Variants in CDC20B observed in about 807,000 individuals in gnomAD.
The protein encoded by CDC20B is cell division cycle 20B, also known as cell division cycle protein 20 homolog B.
In CDC20B, 58 loss-of-function variants were observed where a neutral mutation model predicts 64.1. That is an observed-to-expected ratio of 0.90 (90% CI 0.73 to 1.13). CDC20B has a LOEUF of 1.13. CDC20B is among the 50% of genes most tolerant of loss of function. The pLI is 0.00. For synonymous variants in CDC20B, 243 were observed against 230.6 expected, an observed-to-expected ratio of 1.05 and a Z score of -0.49; for missense variants, 597 against 633.0, an observed-to-expected ratio of 0.94 and a Z score of 0.61.
intron 11 of CDC20B, 39 bp downstream of exon 11, chr5:55,119,762 G>T (rs1580336260): frequency 1.6e-6 from 2 of 1,235,496 alleles, no homozygotes; most frequent in East Asian, 2.3e-5. Flanking sequence ...AGCTCACTTT[G>T]CTATAGGTGC....
intron 2 of CDC20B, among the ~76,000 whole-genome samples, chr5:55,149,727 C>T (rs1389344931): frequency 6.6e-6 from 1 of 152,134 alleles, no homozygotes; most frequent in African/African-American, 2.4e-5. Context: ...GGAGCAACTG[C>T]TTAATGGGTA....
intron 3 of CDC20B, among the ~76,000 whole-genome samples, chr5:55,143,994 GAAA>G (rs3068520): frequency 3.0e-4 from 41 of 136,992 alleles, no homozygotes; most frequent in African/African-American, 9.0e-4. Context: ...TCTCTGTATG[GAAA>G]AAAAAAAAAA....
chr5:55,159,188 A>G (rs1314679887), intron 2 of CDC20B, among the ~76,000 whole-genome samples: 2 of 152,138 alleles, frequency 1.3e-5, no homozygotes, highest in South Asian at 4.1e-4. Flanking sequence ...AGCTAATTAA[A>G]ATTCTTTTTT....
At position 55,172,668 on chromosome 5, in the gene CDC20B, A is replaced by G; in HGVS notation, c.64-18T>C. Reference sequence around the variant, plus strand: ...ATACTTTCCTTTGAAAACACAGATAACATATTGAGGGAGAAACTATTTAGG... The same window carrying G: ...ATACTTTCCTTTGAAAACACAGATAGCATATTGAGGGAGAAACTATTTAGG... On this transcript the variant is annotated intron_variant, in intron 1 of 11. Coordinates refer to ENST00000381375, the MANE Select transcript of CDC20B (RefSeq NM_001170402.1). 1 of 1,574,644 alleles carries G rather than the reference A, an allele frequency of 6.4e-7. No homozygotes were observed. The highest frequency in any genetic ancestry group is 8.7e-7 in the Non-Finnish European group (1 of 1,145,040).
intron 2 of CDC20B, among the ~76,000 whole-genome samples, chr5:55,153,959 T>G (rs1743742617): frequency 6.6e-6 from 1 of 152,154 alleles, no homozygotes; most frequent in Non-Finnish European, 1.5e-5. Flanking sequence ...CAGTACGATT[T>G]TAGGTCCCAT....
At chr5:55,125,597 G>T (rs1697945) in intron 8 of CDC20B, among the ~76,000 whole-genome samples, 26,380 of 152,156 alleles carry the variant, frequency 0.17, 2,551 homozygotes, top group South Asian at 0.3. Flanking sequence ...TGATTCCTAA[G>T]CAGTGGATAA....
At chr5:55,139,970 T>G (rs1743286375) in intron 5 of CDC20B, among the ~76,000 whole-genome samples, 1 of 152,114 alleles carries the variant, frequency 6.6e-6, no homozygotes, top group Admixed American at 6.5e-5. Flanking sequence ...AAGGTTGCAG[T>G]GAGCCAAGAT....
intron 2 of CDC20B, chr5:55,166,383 A>T (rs1744388011): frequency 6.6e-6 from 1 of 151,982 alleles, no homozygotes; most frequent in Non-Finnish European, 1.5e-5. Context: ...CAACCTACAG[A>T]CTCTATGTCA....
intron 8 of CDC20B, among the ~76,000 whole-genome samples, chr5:55,125,672 T>A (rs1045218770): frequency 6.6e-6 from 1 of 152,242 alleles, no homozygotes; most frequent in African/African-American, 2.4e-5. Flanking sequence ...TTTTCAAAGA[T>A]AATGAACGCT....
chr5:55,141,188 C>T (rs138761732), intron 4 of CDC20B, among the ~76,000 whole-genome samples: 1,639 of 152,330 alleles, frequency 0.011, 36 homozygotes, highest in African/African-American at 0.033. Flanking sequence ...AGCTTTCTTA[C>T]ACTAGCTCTC....
Position 55,133,416 on chromosome 5 carries a change from G to A in CDC20B, c.693C>T (p.Asp231=). The A allele has an allele frequency of 6.8e-7, 1 of 1,480,728 alleles. No individual in the cohort carries two copies. The highest frequency in any genetic ancestry group is 9.3e-7 in the Non-Finnish European group (1 of 1,072,756). 91.7% of individuals were successfully genotyped at this position (1,480,728 alleles called of 1,614,324 possible). A position where few individuals can be genotyped will look rare whatever the true frequency, so the allele number is the denominator to read the frequency against. The change falls in exon 6 of 12, where the codon GAC becomes GAT. Residue 231 remains aspartate (D), a synonymous_variant. Coordinates refer to ENST00000381375, the MANE Select transcript of CDC20B (RefSeq NM_001170402.1). ...CCAATCTAAATGATAACTTACAGTAGTCATTTCGAAGACCAGTAATATGAA... is the reference window on the plus strand; with the variant it reads ...CCAATCTAAATGATAACTTACAGTAATCATTTCGAAGACCAGTAATATGAA... ...VKIHITGLRN[D]YYLNILDWSF... is the part of the protein sequence containing the mutation.
chr5:55,127,451 T>C, intron 7 of CDC20B, 100 bp from the exon 8 acceptor site: 1 of 928,658 alleles, frequency 1.1e-6, no homozygotes, highest in Non-Finnish European at 1.7e-6. Flanking sequence ...ATTGTTAGTT[T>C]TTGTACTAAG....
In CDC20B at chr5:55,143,514, T is replaced by G. The variant is rs140643849; in HGVS notation, c.485A>C (p.Gln162Pro). 7.5e-5 allele frequency: 120 copies of G among 1,593,192 alleles called. 1 individual carries two copies. The African/African-American group carries it at 1.5e-3, about 20-fold the overall frequency. The stretch of plus-strand genomic sequence containing the variant: ...TTCAGTTTTTTTCTCTTTACCTACC[T>G]GCCCTTTTGAGGCAACACTTTCTTT... ...DWKESVASKG[Q>P]KCLKQLFVTQ... Residue 162 changes from glutamine to proline, a missense_variant and splice_region_variant, in exon 4 of 12, where the codon CAG becomes CCG. Around this residue, in one of 3 missense-constraint regions of CDC20B, gnomAD observed 241 missense variants for 219.2 expected, o/e 1.10. Coordinates refer to ENST00000381375, the MANE Select transcript of CDC20B (RefSeq NM_001170402.1).
intron 2 of CDC20B, among the ~76,000 whole-genome samples, chr5:55,156,901 TAA>T (rs1743825066): frequency 6.6e-6 from 1 of 152,074 alleles, no homozygotes; most frequent in South Asian, 2.1e-4. Context: ...AATAAAAAAA[TAA>T]GTCATTTATT....
intron 6 of CDC20B, among the ~76,000 whole-genome samples, chr5:55,129,383 C>CG (rs1012090643): frequency 6.6e-6 from 1 of 152,106 alleles, no homozygotes; most frequent in Admixed American, 6.5e-5. Flanking sequence ...AGCAAACTGG[C>CG]GGGGGGTAAG....
At chr5:55,120,576 G>A (rs547492617) in intron 9 of CDC20B, 26 bp from the exon 10 acceptor site, 1 of 1,610,690 alleles carries the variant, frequency 6.2e-7, no homozygotes, top group South Asian at 1.1e-5. Flanking sequence ...TAATAGCACA[G>A]ACAGGTCAGC....
intron 2 of CDC20B, among the ~76,000 whole-genome samples, chr5:55,156,176 GT>G (rs550099006): frequency 4.1e-4 from 62 of 152,106 alleles, no homozygotes; most frequent in Non-Finnish European, 7.8e-4. Flanking sequence ...ATCAGATCTC[GT>G]GAGACTTATT....
In CDC20B at chr5:55,160,492, A is replaced by C; in HGVS notation, c.126+12096T>G. 3 of 902,148 alleles carry C rather than the reference A, an allele frequency of 3.3e-6. No homozygotes were observed. In the South Asian group the frequency reaches 5.0e-5, roughly 15 times the overall value. 55.9% of individuals were successfully genotyped at this position (902,148 alleles called of 1,614,324 possible). On this transcript the variant is annotated intron_variant, in intron 2 of 11. Coordinates refer to ENST00000381375, the MANE Select transcript of CDC20B (RefSeq NM_001170402.1). Reference sequence around the variant, plus strand: ...AATTTTTTGCTGTTACATGGTCATAAGTTGGAATTTAGTCTTCAGAGTAAT... The same window carrying C: ...AATTTTTTGCTGTTACATGGTCATACGTTGGAATTTAGTCTTCAGAGTAAT...
At chr5:55,127,837 T>C (rs1742932712) in intron 7 of CDC20B, among the ~76,000 whole-genome samples, 1 of 152,134 alleles carries the variant, frequency 6.6e-6, no homozygotes, top group Non-Finnish European at 1.5e-5. Context: ...AACTTTGGTG[T>C]AAGAAGAAAT....
Sources: allele counts gnomAD v4.1 joint callset (sites outside exome capture counted in the v4.1 genomes callset), GRCh38; gene constraint gnomAD v4.1.1; regional missense constraint gnomAD v4.1.1; transcripts MANE v1.5; gene names NCBI Gene and HGNC (gene_info 2026-07-23, HGNC 2026-07-21).